The following ZDHHC15 variants were observed in gnomAD, a reference collection of about 807,000 sequenced individuals.
ZDHHC15 encodes the protein palmitoyltransferase ZDHHC15.
A neutral mutation model predicts 31.7 loss-of-function variants in ZDHHC15; 19 were observed. That is an observed-to-expected ratio of 0.60 (90% CI 0.42 to 0.88). ZDHHC15 has a LOEUF of 0.88. ZDHHC15 is among the 40% of genes least tolerant of loss of function. ZDHHC15 has a pLI of 0.00. For missense variants in ZDHHC15, 209 were observed against 251.2 expected, an observed-to-expected ratio of 0.83 and a Z score of 1.14; for synonymous variants, 103 against 90.0, an observed-to-expected ratio of 1.14 and a Z score of -0.82.
chrX:75,381,671 G>A (rs1333667912), intron 10 of ZDHHC15, among the ~76,000 whole-genome samples: 1 of 111,203 alleles, frequency 9.0e-6, no homozygotes, highest in Non-Finnish European at 1.9e-5. Flanking sequence ...TCATCTGGCC[G>A]TATCTTACCT....
At chrX:75,450,654 T>C (rs1602645722) in intron 4 of ZDHHC15, 148 bp downstream of exon 4, 1 of 1,140,705 alleles carries the variant, frequency 8.8e-7, no homozygotes, top group African/African-American at 1.8e-5. Context: ...TGTTTAAAAT[T>C]TTTTAGAAAT....
At chrX:75,454,043 A>G (rs1033325266) in intron 3 of ZDHHC15, among the ~76,000 whole-genome samples, 4 of 111,560 alleles carry the variant, frequency 3.6e-5, no homozygotes, top group African/African-American at 1.3e-4. Flanking sequence ...GGCCAGGGAA[A>G]TCAGGCAAGA....
At chrX:75,391,324 A>C (rs1376305097) in intron 10 of ZDHHC15, among the ~76,000 whole-genome samples, 1 of 112,270 alleles carries the variant, frequency 8.9e-6, no homozygotes, top group African/African-American at 3.2e-5. Context: ...ATAATGACAG[A>C]ATTTCCCAAA....
At chrX:75,489,683 C>A (rs929268979) in intron 2 of ZDHHC15, among the ~76,000 whole-genome samples, 2 of 112,150 alleles carry the variant, frequency 1.8e-5, no homozygotes, top group African/African-American at 3.2e-5. Flanking sequence ...AATCAGAGGA[C>A]CTCTCCTCCT....
chrX:75,493,695 C>G (rs1008033393), intron 2 of ZDHHC15, among the ~76,000 whole-genome samples: 2 of 112,028 alleles, frequency 1.8e-5, no homozygotes, highest in Non-Finnish European at 3.8e-5. Flanking sequence ...ATGATTATCT[C>G]AATAGTTGCA....
At chrX:75,498,894 G>A (rs1028233684) in intron 2 of ZDHHC15, among the ~76,000 whole-genome samples, 1 of 111,598 alleles carries the variant, frequency 9.0e-6, no homozygotes, top group Non-Finnish European at 1.9e-5. Context: ...ATACTACCAG[G>A]CTATAGTCAA....
At chrX:75,442,033 T>G (rs904103886) in intron 4 of ZDHHC15, among the ~76,000 whole-genome samples, 9 of 112,255 alleles carry the variant, frequency 8.0e-5, no homozygotes, top group African/African-American at 2.9e-4. Flanking sequence ...GCCGTATTTT[T>G]GTCTGGTTTT....
intron 2 of ZDHHC15, chrX:75,501,546 T>C (rs1053725578): frequency 9.0e-6 from 1 of 111,596 alleles, no homozygotes; most frequent in Non-Finnish European, 1.9e-5. Flanking sequence ...TCTTCCACAA[T>C]TGTTGAACTA....
At chrX:75,395,908 T>A (rs2083294377) in intron 10 of ZDHHC15, among the ~76,000 whole-genome samples, 1 of 112,129 alleles carries the variant, frequency 8.9e-6, no homozygotes, top group Admixed American at 9.4e-5. Context: ...AACACTCTCT[T>A]CAACAAATGG....
intron 11 of ZDHHC15, among the ~76,000 whole-genome samples, chrX:75,375,518 G>C (rs1004561936): frequency 1.8e-5 from 2 of 111,322 alleles, no homozygotes; most frequent in Non-Finnish European, 3.8e-5. Flanking sequence ...CCTAGGTAGT[G>C]AGCATAGTAC....
chrX:75,409,829 A>G (rs2083465357), intron 10 of ZDHHC15, among the ~76,000 whole-genome samples: 2 of 105,562 alleles, frequency 1.9e-5, no homozygotes, highest in South Asian at 8.6e-4. Context: ...AACAACAACA[A>G]CAACACTACA....
intron 2 of ZDHHC15, among the ~76,000 whole-genome samples, chrX:75,499,683 T>C (rs775724095): frequency 8.9e-6 from 1 of 112,109 alleles, no homozygotes; most frequent in East Asian, 2.8e-4. Context: ...AATGGGAAGG[T>C]AAACTATTAC....
intron 4 of ZDHHC15, among the ~76,000 whole-genome samples, chrX:75,449,197 T>TACA (rs1556015339): frequency 2.5e-4 from 9 of 36,089 alleles, no homozygotes; most frequent in African/African-American, 6.8e-4. Flanking sequence ...TCTCTCTCTC[T>TACA]CTATACACAC....
chrX:75,464,618 C>A (rs2084373709), intron 3 of ZDHHC15, among the ~76,000 whole-genome samples: 1 of 111,286 alleles, frequency 9.0e-6, no homozygotes, highest in African/African-American at 3.3e-5. Context: ...TCACAACAAT[C>A]AAGGTGGCTT....
chrX:75,429,043 G>T (rs1438409317), intron 7 of ZDHHC15, 35 bp downstream of exon 7: 1 of 1,200,431 alleles, frequency 8.3e-7, no homozygotes, highest in Non-Finnish European at 1.1e-6. Context: ...GTGTGCATTT[G>T]TTCTAGGGGA....
rs1365000575 is a variant in ZDHHC15, at chrX:75,478,247, T to A, written c.258+644A>T. On this transcript the variant is annotated intron_variant, in intron 3 of 11. Coordinates refer to ENST00000373367, the MANE Select transcript of ZDHHC15 (RefSeq NM_144969.3). Reference sequence around the variant, plus strand: ...GTTGTATTTCAGAGTCTCACTGGAATGAAATAACAGCACTAAATAAATAAA... The same window carrying A: ...GTTGTATTTCAGAGTCTCACTGGAAAGAAATAACAGCACTAAATAAATAAA... 4.5e-5 allele frequency among the ~76,000 whole-genome samples: 5 copies of A among 112,094 alleles called. No homozygotes were observed. In the Admixed American group the frequency reaches 4.7e-4, roughly 11 times the overall value.
intron 2 of ZDHHC15, among the ~76,000 whole-genome samples, chrX:75,497,627 A>G (rs2085022053): frequency 8.9e-6 from 1 of 112,002 alleles, no homozygotes; most frequent in Admixed American, 9.5e-5. Flanking sequence ...AAGATAATTC[A>G]CCATGATCAA....
chrX:75,406,362 ATAAAAT>A (rs2083411236), intron 10 of ZDHHC15, among the ~76,000 whole-genome samples: 1 of 111,625 alleles, frequency 9.0e-6, no homozygotes, highest in Non-Finnish European at 1.9e-5. Context: ...TCAGAAACAA[ATAAAAT>A]TAATATTTTC....
At chrX:75,422,082 T>A in intron 8 of ZDHHC15, 92 bp from the exon 9 acceptor site, 1 of 1,036,248 alleles carries the variant, frequency 9.7e-7, no homozygotes, top group African/African-American at 1.9e-5. Flanking sequence ...TCTCCATGTA[T>A]GTGACTTGGT....
Sources: gnomAD v4.1 joint callset for allele counts (sites outside exome capture counted in the v4.1 genomes callset) on GRCh38, gnomAD v4.1.1 for gene constraint, MANE v1.5 for transcripts, NCBI Gene and HGNC (gene_info 2026-07-23, HGNC 2026-07-21) for gene names.